Variants in PCNX2 observed in about 807,000 individuals in gnomAD.
The protein encoded by PCNX2 is pecanex-like protein 2.
In PCNX2, 168 loss-of-function variants were observed where a neutral mutation model predicts 223.8. That is an observed-to-expected ratio of 0.75 (90% CI 0.66 to 0.85). The LOEUF is 0.85. Ranked by LOEUF, PCNX2 falls within the 40% of genes least tolerant of loss-of-function variation. PCNX2 has a pLI of 0.00. For missense variants in PCNX2, 2,507 were observed against 2,675.5 expected, an observed-to-expected ratio of 0.94 and a Z score of 1.39; for synonymous variants, 1,006 against 1,052.6, an observed-to-expected ratio of 0.96 and a Z score of 0.86.
At chr1:232,998,789 A>G (rs1329261999) in intron 31 of PCNX2, among the ~76,000 whole-genome samples, 1 of 152,204 alleles carries the variant, frequency 6.6e-6, no homozygotes, top group African/African-American at 2.4e-5. Context: ...TGTGCTGGGG[A>G]TGTTCTTCCA....
upstream of PCNX2, among the ~76,000 whole-genome samples, chr1:233,296,254 T>A (rs1179546656): frequency 6.6e-6 from 1 of 152,172 alleles, no homozygotes; most frequent in East Asian, 1.9e-4. Context: ...GTTCTATTAA[T>A]CTAAGCTCTA....
intron 25 of PCNX2, among the ~76,000 whole-genome samples, chr1:233,029,155 T>C (rs1001113455): frequency 1.3e-5 from 2 of 152,178 alleles, no homozygotes; most frequent in African/African-American, 4.8e-5. Context: ...TATTTTTTAA[T>C]TGAGCAACTT....
intron 17 of PCNX2, among the ~76,000 whole-genome samples, chr1:233,163,040 A>G (rs1202713109): frequency 6.6e-6 from 1 of 152,100 alleles, no homozygotes; most frequent in Non-Finnish European, 1.5e-5. Context: ...TGTGATTTCT[A>G]TCAGTGTCAT....
the PCNX2 span, among the ~76,000 whole-genome samples, chr1:233,316,718 T>A: frequency 1.3e-5 from 2 of 152,200 alleles, no homozygotes; most frequent in Non-Finnish European, 2.9e-5. Context: ...CTCAAGTCTT[T>A]GCTCAAATCT....
chr1:233,127,415 T>G (rs1676168873), intron 21 of PCNX2, among the ~76,000 whole-genome samples: 1 of 152,168 alleles, frequency 6.6e-6, no homozygotes, highest in Admixed American at 6.5e-5. Flanking sequence ...CTGCCTTCTT[T>G]GCCTGACTTA....
At chr1:233,095,710 A>C in intron 22 of PCNX2, 45 bp downstream of exon 22, 1 of 1,474,870 alleles carries the variant, frequency 6.8e-7, no homozygotes, top group Non-Finnish European at 9.3e-7. Context: ...CTTCCGTAAA[A>C]TGTGAATCTC....
chr1:233,316,791 C>T, the PCNX2 span, among the ~76,000 whole-genome samples: 1 of 152,172 alleles, frequency 6.6e-6, no homozygotes, highest in East Asian at 1.9e-4. Context: ...CCTCCCCATT[C>T]CTGACTCATC....
At position 233,092,901 on chromosome 1, in the gene PCNX2, C is replaced by T. The variant is rs112685821; in HGVS notation, c.3947-2711G>A. Among the ~76,000 whole-genome samples, 599 of 152,288 alleles carry T rather than the reference C, an allele frequency of 3.9e-3. 4 individuals are homozygous for T. The highest frequency in any genetic ancestry group is 0.014 in the African/African-American group (581 of 41,554). Reference sequence around the variant, plus strand: ...GCAACCTCCGCCTCCCAGGTTCAAGCGATTCTCTTGCCTCAGCCTCCCCAG... The same window carrying T: ...GCAACCTCCGCCTCCCAGGTTCAAGTGATTCTCTTGCCTCAGCCTCCCCAG... On this transcript the variant is annotated intron_variant, in intron 22 of 33. Transcript: ENST00000258229.
At chr1:233,007,152 TA>T (rs1670313738) in intron 28 of PCNX2, among the ~76,000 whole-genome samples, 2 of 151,522 alleles carry the variant, frequency 1.3e-5, no homozygotes, top group African/African-American at 4.9e-5. Context: ...TTCAAGGATG[TA>T]GTGCATTCTG....
At chr1:233,087,668 G>A (rs777919655) in intron 23 of PCNX2, among the ~76,000 whole-genome samples, 2 of 152,034 alleles carry the variant, frequency 1.3e-5, no homozygotes, top group Non-Finnish European at 2.9e-5. Flanking sequence ...GATTTCCCTC[G>A]ACTGATCTTT....
intron 24 of PCNX2, chr1:233,054,717 A>G (rs1354691290): frequency 1.7e-5 from 7 of 407,050 alleles, no homozygotes; most frequent in Non-Finnish European, 2.6e-5. Context: ...ATTTATATAT[A>G]TGTGCTATAA....
At chr1:233,151,066 C>T (rs919671620) in intron 19 of PCNX2, among the ~76,000 whole-genome samples, 11 of 152,064 alleles carry the variant, frequency 7.2e-5, no homozygotes, top group African/African-American at 1.4e-4. Context: ...GCAAGGACAA[C>T]GTGCTTACTT....
At chr1:233,230,906 G>T (rs948916614) in intron 9 of PCNX2, among the ~76,000 whole-genome samples, 1 of 152,156 alleles carries the variant, frequency 6.6e-6, no homozygotes, top group Non-Finnish European at 1.5e-5. Context: ...AAAAGACTAT[G>T]TCTTCTGAGA....
intron 28 of PCNX2, among the ~76,000 whole-genome samples, chr1:233,010,280 A>G (rs1029197620): frequency 6.6e-6 from 1 of 152,216 alleles, no homozygotes; most frequent in Non-Finnish European, 1.5e-5. Flanking sequence ...TGGTAGATGG[A>G]GTGACCTCAG....
At chr1:233,040,875 C>G (rs958944408) in intron 25 of PCNX2, among the ~76,000 whole-genome samples, 1 of 152,150 alleles carries the variant, frequency 6.6e-6, no homozygotes, top group Non-Finnish European at 1.5e-5. Context: ...CAAAAAATTG[C>G]TTTCCCTCTA....
At chr1:233,082,347 A>G (rs1673400551) in intron 23 of PCNX2, among the ~76,000 whole-genome samples, 1 of 152,176 alleles carries the variant, frequency 6.6e-6, no homozygotes, top group African/African-American at 2.4e-5. Flanking sequence ...TAATAGATCC[A>G]GGGCCCAACG....
chr1:233,280,207 A>T (rs893671117), intron 1 of PCNX2, among the ~76,000 whole-genome samples: 14 of 152,110 alleles, frequency 9.2e-5, no homozygotes, highest in African/African-American at 3.1e-4. Flanking sequence ...GTCATCTGCT[A>T]TAACAAATAG....
At chr1:233,248,278 C>T (rs1659246322) in intron 8 of PCNX2, among the ~76,000 whole-genome samples, 1 of 152,032 alleles carries the variant, frequency 6.6e-6, no homozygotes, top group African/African-American at 2.4e-5. Flanking sequence ...CAGCCCCTTC[C>T]AGTCTCGGGG....
chr1:233,023,903 T>C (rs1396394473), intron 26 of PCNX2, among the ~76,000 whole-genome samples: 1 of 152,218 alleles, frequency 6.6e-6, no homozygotes, highest in East Asian at 1.9e-4. Flanking sequence ...GCCTATCTTC[T>C]GCTTCCATGT....
Sources: allele counts gnomAD v4.1 joint callset (sites outside exome capture counted in the v4.1 genomes callset), GRCh38; gene constraint gnomAD v4.1.1; transcripts MANE v1.5; gene names NCBI Gene and HGNC (gene_info 2026-07-23, HGNC 2026-07-21).